Variants in CHD1 observed in about 807,000 individuals in gnomAD.
CHD1 encodes the protein chromodomain helicase DNA binding protein 1, also known as ATP-dependent chromatin remodeler CHD1.
In CHD1, 36 loss-of-function variants were observed where a neutral mutation model predicts 224.2. The ratio of observed to expected loss-of-function variants is 0.16; its 90% CI spans 0.12 to 0.21. The LOEUF is 0.21. CHD1 is among the 10% of genes least tolerant of loss of function. The probability of loss-of-function intolerance (pLI) is 1.00; values close to 1 mark genes in which losing one functional copy is unlikely to be tolerated. For synonymous variants in CHD1, 668 were observed against 658.3 expected (o/e 1.01, Z -0.23); for missense variants, 1,378 against 1,994.8 (o/e 0.69, Z 5.89).
rs529134683 is a variant in CHD1, at chr5:98,890,558, T to C, written c.2181-1320A>G. Among the ~76,000 whole-genome samples the C allele has an allele frequency of 5.3e-5, 8 of 152,342 alleles. No homozygotes were observed. In the East Asian group the frequency reaches 1.3e-3, roughly 26 times the overall value. On this transcript the variant is annotated intron_variant, in intron 15 of 35. Transcript: ENST00000614616. ...GAGTTTAAGTTCAACATCCATGATA[T>C]ATGACTAGCACTAAGAGAATTACAG...
Position 98,870,774 on chromosome 5 carries a change from T to C in CHD1, c.3891A>G (p.Pro1297=). 1 of 1,611,938 alleles carries C rather than the reference T, an allele frequency of 6.2e-7. No homozygotes were observed. Among genetic ancestry groups the C allele is most frequent in the Non-Finnish European group, 8.5e-7 (1 of 1,178,838 alleles). Residue 1297 remains proline (P), a synonymous_variant, in exon 29 of 36, where the codon CCA becomes CCG. Transcript: ENST00000614616. ...CACGGGTCTGCAACTGTTTTGCTTG[T>C]GGTTTTTTATCGGGATCATCTGGAA... ...KILPDDPDKK[P]QAKQLQTRAD...
chr5:98,896,390 T>C lies in CHD1; in HGVS notation c.1546A>G (p.Thr516Ala). The C allele has an allele frequency of 3.1e-6, 5 of 1,613,998 alleles. No homozygotes were observed. The highest frequency in any genetic ancestry group is 4.2e-6 in the Non-Finnish European group (5 of 1,179,966). The part of the protein sequence containing the change: ...DEMGLGKTIQ[T>A]ISFLNYLFHE... ...AACAAATAATTCAGAAATGAGATCG[T>C]CTGTATTGTTTTTCCAAGGCCCATT... Residue 516 changes from threonine to alanine, a missense_variant, in exon 12 of 36, where the codon ACG (threonine) becomes GCG (alanine). This residue lies in a region of CHD1 where 49 missense variants were observed against 135.7 expected (regional missense o/e 0.36). Transcript: ENST00000614616.
Position 98,858,364 on chromosome 5 carries a change from T to C in CHD1, c.4603A>G (p.Asn1535Asp), listed in dbSNP as rs1021707475. 5.0e-6 allele frequency: 8 copies of C among 1,612,826 alleles called. No homozygotes were observed. The East Asian group carries it at 6.7e-5, about 13-fold the overall frequency. ...PDVERLKENT[N>D]HDDSSRDSYS... ...CTGTCCCTGCTGCTATCATCGTGATTTGTATTCTCTTTTAATCTTTCCACA... is the reference window on the plus strand; with the variant it reads ...CTGTCCCTGCTGCTATCATCGTGATCTGTATTCTCTTTTAATCTTTCCACA... Residue 1535 changes from asparagine to aspartate, a missense_variant, in exon 35 of 36, where the codon AAT (asparagine) becomes GAT (aspartate). Coordinates refer to ENST00000614616, the MANE Select transcript of CHD1 (RefSeq NM_001270.4).
rs966707278 is a variant in CHD1 at position 98,879,543 on chromosome 5, C to A, written c.3237+9G>T. 2.5e-6 allele frequency: 4 copies of A among 1,578,284 alleles called. No homozygotes were observed. The highest frequency in any genetic ancestry group is 1.4e-5 in the African/African-American group (1 of 72,462). On this transcript the variant is annotated intron_variant, in intron 23 of 35. Transcript: ENST00000614616. Reference sequence around the variant, plus strand: ...CTTTATAGAAATATCTTTAAAATTGCAAAATCACCTGTTTTGCACAATTTC... The same window carrying A: ...CTTTATAGAAATATCTTTAAAATTGAAAAATCACCTGTTTTGCACAATTTC...
chr5:98,900,710 C>CG, intron 7 of CHD1, 101 bp downstream of exon 7: 2 of 1,061,618 alleles, frequency 1.9e-6, no homozygotes, highest in Non-Finnish European at 2.7e-6. Context: ...CCTCGGCCCC[C>CG]CAAAGTACTG....
At chr5:98,920,796 CAAAAA>C (rs1232499151) in intron 2 of CHD1, among the ~76,000 whole-genome samples, 1 of 82,242 alleles carries the variant, frequency 1.2e-5, no homozygotes. Context: ...GACGCCGTCT[CAAAAA>C]AAAAAAAAAA....
rs1390553932 is a variant in CHD1 at position 98,868,574 on chromosome 5, G to A, written c.4169C>T (p.Pro1390Leu). The A allele has an allele frequency of 3.1e-6, 5 of 1,611,258 alleles. No homozygotes were observed. The East Asian group carries it at 6.7e-5, about 22-fold the overall frequency. The change falls in exon 31 of 36, where the codon CCA becomes CTA. Residue 1390 changes from proline (P) to leucine (L), a missense_variant. Pro to Leu is a moderately conservative substitution (Grantham distance 98). Around this residue, in one of 16 missense-constraint regions of CHD1, gnomAD observed 105 missense variants for 93.4 expected, o/e 1.12. Coordinates refer to ENST00000614616, the MANE Select transcript of CHD1 (RefSeq NM_001270.4). ...RSKKSSVSDA[P>L]VHITASGEPV... Reference sequence around the variant, plus strand: ...TTCACCACTTGCCGTGATATGAACTGGAGCATCTGACACTGAAGATTTCTT... The same window carrying A: ...TTCACCACTTGCCGTGATATGAACTAGAGCATCTGACACTGAAGATTTCTT...
intron 2 of CHD1, among the ~76,000 whole-genome samples, chr5:98,920,812 A>C (rs11952820): frequency 6.6e-6 from 1 of 151,490 alleles, no homozygotes; most frequent in Non-Finnish European, 1.5e-5. Flanking sequence ...AAAAAAAAAA[A>C]AGACAAATCT....
intron 19 of CHD1, 57 bp downstream of exon 19, chr5:98,883,030 CA>C (rs367578795): frequency 0.16 from 123,116 of 791,850 alleles, 18 homozygotes; most frequent in East Asian, 0.18. Flanking sequence ...AAATCACTTC[CA>C]AAAAAAAAAA....
rs1293318851 is a variant in CHD1 at position 98,856,767 on chromosome 5, TTAAAA to T, written c.4788-47_4788-43del. 3 of 1,231,648 alleles carry T rather than the reference TTAAAA, an allele frequency of 2.4e-6. No individual in the cohort carries two copies. In the African/African-American group the frequency reaches 4.6e-5, roughly 19 times the overall value. 76.3% of individuals were successfully genotyped at this position (1,231,648 alleles called of 1,614,324 possible). ...GAGAATTTTAGACAAATCATGCAAA[TTAAAA>T]TGTTTCCAAATAAAAGATAACTAAA... On this transcript the variant is annotated intron_variant, in intron 35 of 35. Transcript: ENST00000614616.
intron 3 of CHD1, among the ~76,000 whole-genome samples, chr5:98,904,328 G>C (rs1049512064): frequency 6.6e-6 from 1 of 152,242 alleles, no homozygotes; most frequent in African/African-American, 2.4e-5. Flanking sequence ...TCTGTGTGTC[G>C]ATTTATATTC....
At chr5:98,885,868 C>G in intron 17 of CHD1, 1 of 479,702 alleles carries the variant, frequency 2.1e-6, no homozygotes, top group Admixed American at 3.8e-5. Context: ...ACAGCATAGG[C>G]TGTCATACTA....
chr5:98,905,226 AAAAAAG>A (rs754833636), intron 2 of CHD1, 128 bp from the exon 3 acceptor site: 64 of 1,078,518 alleles, frequency 5.9e-5, no homozygotes, highest in Non-Finnish European at 7.4e-5. Flanking sequence ...CTTTGGCCAA[AAAAAAG>A]AAAAAGGAAT....
chr5:98,870,864 TA>T (rs1311967669), intron 28 of CHD1, 61 bp from the exon 29 acceptor site: 3 of 959,480 alleles, frequency 3.1e-6, no homozygotes, highest in East Asian at 2.5e-5. Context: ...ATGTACTGGC[TA>T]AAAAATGCTT....
intron 2 of CHD1, among the ~76,000 whole-genome samples, chr5:98,917,430 C>G (rs1020184129): frequency 6.6e-6 from 1 of 151,954 alleles, no homozygotes; most frequent in Non-Finnish European, 1.5e-5. Flanking sequence ...CTGACATATA[C>G]ATGTATTTTT....
chr5:98,879,482 GAAAC>G, intron 23 of CHD1, 66 bp downstream of exon 23: 6 of 1,406,992 alleles, frequency 4.3e-6, no homozygotes, highest in Non-Finnish European at 5.7e-6. Context: ...ATACCTCGTA[GAAAC>G]AAACAAAATC....
intron 30 of CHD1, 153 bp from the exon 31 acceptor site, chr5:98,868,788 C>T: frequency 1.2e-6 from 1 of 812,860 alleles, no homozygotes; most frequent in Non-Finnish European, 1.8e-6. Context: ...TGTTTTTTTC[C>T]CCAATTTTAT....
chr5:98,898,800 T>A, intron 8 of CHD1, 36 bp from the exon 9 acceptor site: 1 of 1,172,358 alleles, frequency 8.5e-7, no homozygotes, highest in East Asian at 2.3e-5. Flanking sequence ...GACTTAAAAA[T>A]CTCCCATAAA....
At chr5:98,898,172 G>A (rs541413457) in intron 10 of CHD1, 84 bp downstream of exon 10, 2 of 738,226 alleles carry the variant, frequency 2.7e-6, no homozygotes, top group Non-Finnish European at 3.8e-6. Context: ...CTGAAATCAG[G>A]ATCCAACTCT....
Sources: gnomAD v4.1 joint callset for allele counts (sites outside exome capture counted in the v4.1 genomes callset) on GRCh38, gnomAD v4.1.1 for gene constraint, gnomAD v4.1.1 regional missense constraint, MANE v1.5 for transcripts, NCBI Gene and HGNC (gene_info 2026-07-23, HGNC 2026-07-21) for gene names.